The following ATP8B3 variants were observed in gnomAD, a reference collection of about 807,000 sequenced individuals.
The protein encoded by ATP8B3 is phospholipid-transporting ATPase IK.
ATP8B3 carries 141 observed loss-of-function variants against 140.9 expected under a neutral mutation model. The observed-to-expected ratio is 1.00, with a 90% CI of 0.87 to 1.15. The LOEUF is 1.15. Among genes scored for constraint, ATP8B3 ranks in the 50% most tolerant of loss-of-function variants. The probability of loss-of-function intolerance (pLI) is 0.00; values close to 1 mark genes in which losing one functional copy is unlikely to be tolerated. For synonymous variants in ATP8B3, 765 were observed against 714.6 expected (o/e 1.07, Z -1.13); for missense variants, 1,874 against 1,740.6 (o/e 1.08, Z -1.36).
At chr19:1,784,035 GC>G in intron 28 of ATP8B3, among the ~76,000 whole-genome samples, 2 of 152,250 alleles carry the variant, frequency 1.3e-5, no homozygotes, top group Middle Eastern at 6.8e-3. Context: ...CCACGCTGTG[GC>G]CTGTGTCAGA....
At chr19:1,809,065 T>C (rs1403419868) in intron 4 of ATP8B3, among the ~76,000 whole-genome samples, 1 of 151,936 alleles carries the variant, frequency 6.6e-6, no homozygotes, top group African/African-American at 2.4e-5. Flanking sequence ...TCCCAGCTAC[T>C]TGGGAGTCTC....
rs373426989 is a variant in ATP8B3 at position 1,784,160 on chromosome 19, C to T, written c.3660+659G>A. ...TTCTAAGTTCCTCCTTTTGCCTAAA[C>T]CATTTCAAGGTTGTTTCCGTCATCT... On this transcript the variant is annotated intron_variant, in intron 28 of 28. Coordinates refer to ENST00000310127, the MANE Select transcript of ATP8B3 (RefSeq NM_138813.4). Among the ~76,000 whole-genome samples, 2 of 152,126 alleles carry T rather than the reference C, an allele frequency of 1.3e-5. 1 individual carries two copies. Among genetic ancestry groups the T allele is most frequent in the Non-Finnish European group, 2.9e-5 (2 of 68,024 alleles).
chr19:1,783,246 T>C lies in ATP8B3; in HGVS notation c.3685A>G (p.Ser1229Gly). The C allele has an allele frequency of 6.2e-7, 1 of 1,610,112 alleles. No homozygotes were observed. Among genetic ancestry groups the C allele is most frequent in the Non-Finnish European group, 8.5e-7 (1 of 1,178,266 alleles). The change falls in exon 29 of 29, where the codon AGC becomes GGC. Residue 1229 changes from serine (S) to glycine (G), a missense_variant. Ser to Gly is a moderately conservative substitution (Grantham distance 56). This residue lies in a region of ATP8B3 where 840 missense variants were observed against 760.9 expected (regional missense o/e 1.10). Transcript: ENST00000310127. Reference protein sequence around the residue: ...AKEEKVEEGPSEEIFTMEPLP... With the variant: ...AKEEKVEEGPGEEIFTMEPLP... ...GGCTCCATGGTGAAAATCTCCTCGC[T>C]GGGGCCCTCCTCCACCTTCTCCTCC...
chr19:1,809,501 G>T, intron 4 of ATP8B3, 142 bp downstream of exon 4: 1 of 728,404 alleles, frequency 1.4e-6, no homozygotes, highest in South Asian at 1.8e-5. Context: ...AAGAAAGAAA[G>T]AAAAAGAAAA....
intron 18 of ATP8B3, among the ~76,000 whole-genome samples, chr19:1,793,235 C>T (rs1270306030): frequency 6.6e-6 from 1 of 150,760 alleles, no homozygotes; most frequent in Non-Finnish European, 1.5e-5. Flanking sequence ...GGATCATAGG[C>T]ACATGCCATC....
intron 16 of ATP8B3, 144 bp downstream of exon 16, chr19:1,796,567 G>A: frequency 9.1e-7 from 1 of 1,103,892 alleles, no homozygotes. Context: ...CGCCCTCGAG[G>A]TGCGGCTGGT....
rs377532330 is a variant in ATP8B3, at chr19:1,805,971, G to C, written c.751-13C>G. 1.6e-5 allele frequency: 25 copies of C among 1,612,292 alleles called. No individual in the cohort carries two copies. Among genetic ancestry groups the C allele is most frequent in the Middle Eastern group, 1.6e-4 (1 of 6,082 alleles). The stretch of plus-strand genomic sequence containing the variant: ...AGAGCATGTCGGCCTGGTGTGGAGT[G>C]GGGGGCAGCGTTGCAAGAGGGGATG... On this transcript the variant is annotated splice_polypyrimidine_tract_variant and intron_variant, in intron 8 of 28. Coordinates refer to ENST00000310127, the MANE Select transcript of ATP8B3 (RefSeq NM_138813.4). The surrounding 1 kb of genome is among the most constrained non-coding windows in gnomAD (Gnocchi z 5.2).
Position 1,787,092 on chromosome 19 carries a change from G to T in ATP8B3, c.3153+11C>A. ...AGACCTGGAAGGAAGACCCGGCCTTGCCCTGCTCACCTGCTCAAAGAGCCC... is the reference window on the plus strand; with the variant it reads ...AGACCTGGAAGGAAGACCCGGCCTTTCCCTGCTCACCTGCTCAAAGAGCCC... On this transcript the variant is annotated intron_variant, in intron 25 of 28. Transcript: ENST00000310127. 1 of 1,587,120 alleles carries T rather than the reference G, an allele frequency of 6.3e-7. No homozygotes were observed. The highest frequency in any genetic ancestry group is 1.7e-4 in the Middle Eastern group (1 of 6,020).
chr19:1,789,468 C>A lies in ATP8B3; in HGVS notation c.2738G>T (p.Arg913Leu), dbSNP rs757567797. ...CAGGGCCTTCTGCTTGGGCGTCACG[C>A]GGCAGCAGATGACCGCCTGGCACTT... ...ASKCQAVICC[R>L]VTPKQKALIV... is the part of the protein sequence containing the mutation. The change falls in exon 23 of 29, where the codon CGC becomes CTC. Residue 913 changes from arginine (R) to leucine (L), a missense_variant. Transcript: ENST00000310127. 1.9e-6 allele frequency: 3 copies of A among 1,597,768 alleles called. No homozygotes were observed. Among genetic ancestry groups the A allele is most frequent in the South Asian group, 2.2e-5 (2 of 90,954 alleles).
At chr19:1,795,647 G>T (rs1020961461) in intron 18 of ATP8B3, among the ~76,000 whole-genome samples, 1 of 152,112 alleles carries the variant, frequency 6.6e-6, no homozygotes, top group African/African-American at 2.4e-5. Context: ...GCCGGTGTGT[G>T]TGTGTTTTGT....
At position 1,790,000 on chromosome 19, in the gene ATP8B3, C is replaced by T. The variant is rs1198639128; in HGVS notation, c.2379-11G>A. The T allele has an allele frequency of 1.2e-6, 2 of 1,601,714 alleles. No individual in the cohort carries two copies. Among genetic ancestry groups the T allele is most frequent in the Non-Finnish European group, 1.7e-6 (2 of 1,171,156 alleles). On this transcript the variant is annotated splice_polypyrimidine_tract_variant and intron_variant, in intron 21 of 28. Transcript: ENST00000310127. Reference sequence around the variant, plus strand: ...GTCTCCAGGATGCGGCTGCGGGGCGCAGGGGTCAGCGGGGCAGGGGAGGGG... The same window carrying T: ...GTCTCCAGGATGCGGCTGCGGGGCGTAGGGGTCAGCGGGGCAGGGGAGGGG...
chr19:1,791,952 G>GGC, intron 19 of ATP8B3, 49 bp downstream of exon 19: 36 of 1,208,332 alleles, frequency 3.0e-5, no homozygotes, highest in Non-Finnish European at 4.2e-5. Flanking sequence ...CCCCTTGGGT[G>GGC]CCCCCGCTGC....
intron 24 of ATP8B3, among the ~76,000 whole-genome samples, chr19:1,787,939 G>A (rs2068360384): frequency 6.6e-6 from 1 of 151,922 alleles, no homozygotes; most frequent in African/African-American, 2.4e-5. Flanking sequence ...CCACTAGAGG[G>A]GCTGAGGCAG....
At position 1,791,838 on chromosome 19, in the gene ATP8B3, C is replaced by T. The variant is rs780912877; in HGVS notation, c.2214G>A (p.Glu738=). ...LQQLLGATAI[E]DRLQDGVPET... is the part of the protein sequence containing the mutation. ...CAGGGACACCGTCCTGGAGTCTGTC[C>T]TCGATGGCTGTGGCTCCCAGCAGCT... Residue 738 remains glutamate (E), a synonymous_variant, in exon 20 of 29, where the codon GAG becomes GAA. Coordinates refer to ENST00000310127, the MANE Select transcript of ATP8B3 (RefSeq NM_138813.4). 37 of 1,611,296 alleles carry T rather than the reference C, an allele frequency of 2.3e-5. No individual in the cohort carries two copies. The highest frequency in any genetic ancestry group is 1.5e-4 in the Admixed American group (9 of 60,010).
chr19:1,795,670 G>A (rs1035624969), intron 18 of ATP8B3, among the ~76,000 whole-genome samples: 1 of 151,948 alleles, frequency 6.6e-6, no homozygotes, highest in Non-Finnish European at 1.5e-5. Context: ...GTTGCCGGGG[G>A]AGGGTGTTTT....
In ATP8B3 at chr19:1,795,929, G is replaced by C. The variant is rs377575442; in HGVS notation, c.2001C>G (p.Phe667Leu). ...LYTKGADTVI[F>L]ERLHRRGAME... ...TTGCCCCCCTCCTGTGCAAGCGTTCGAAGATGACCGTGTCGGCGCCCTTGG... is the reference window on the plus strand; with the variant it reads ...TTGCCCCCCTCCTGTGCAAGCGTTCCAAGATGACCGTGTCGGCGCCCTTGG... The change falls in exon 18 of 29, where the codon TTC becomes TTG. Residue 667 changes from phenylalanine (F) to leucine (L), a missense_variant. Phe to Leu is a conservative substitution (Grantham distance 22). Coordinates refer to ENST00000310127, the MANE Select transcript of ATP8B3 (RefSeq NM_138813.4). 1 of 1,613,056 alleles carries C rather than the reference G, an allele frequency of 6.2e-7. No individual in the cohort carries two copies. The highest frequency in any genetic ancestry group is 1.1e-5 in the South Asian group (1 of 91,066).
intron 24 of ATP8B3, 120 bp downstream of exon 24, chr19:1,788,777 G>A: frequency 1.0e-6 from 1 of 988,400 alleles, no homozygotes; most frequent in Non-Finnish European, 1.5e-6. Context: ...CCTCAGGCAA[G>A]CCCTGTCCAC....
intron 14 of ATP8B3, among the ~76,000 whole-genome samples, chr19:1,797,460 T>TTA (rs1196459900): frequency 1.3e-5 from 2 of 149,054 alleles, no homozygotes; most frequent in Non-Finnish European, 3.0e-5. Context: ...GTTTTTGTTC[T>TTA]TTTTTATTTT....
intron 16 of ATP8B3, 40 bp downstream of exon 16, chr19:1,796,671 G>A (rs2145190082): frequency 1.9e-6 from 3 of 1,592,082 alleles, no homozygotes; most frequent in Middle Eastern, 4.2e-4. Context: ...GTGCCCCGGG[G>A]GCTGAGCGGC....
Sources: allele counts gnomAD v4.1 joint callset (sites outside exome capture counted in the v4.1 genomes callset), GRCh38; gene constraint gnomAD v4.1.1; regional missense constraint gnomAD v4.1.1; non-coding constraint Gnocchi (gnomAD v3.1); transcripts MANE v1.5; gene names NCBI Gene and HGNC (gene_info 2026-07-23, HGNC 2026-07-21).